SAMD5: variants seen among roughly 807,000 people sequenced by gnomAD.
The protein encoded by SAMD5 is sterile alpha motif domain-containing protein 5.
Under a neutral mutation model 11.3 loss-of-function variants are expected in SAMD5, and 13 were observed. The ratio of observed to expected loss-of-function variants is 1.15; its 90% CI spans 0.75 to 1.83. SAMD5 has a LOEUF of 1.83. Ranked by LOEUF, SAMD5 falls within the 40% of genes most tolerant of loss-of-function variation. SAMD5 has a pLI of 0.00. For missense variants in SAMD5, 255 were observed against 239.1 expected (o/e 1.07, Z -0.44); for synonymous variants, 129 against 111.3 (o/e 1.16, Z -1.00).
At chr6:147,605,545 A>G (rs1170858143) in intron 1 of SAMD5, among the ~76,000 whole-genome samples, 2 of 152,204 alleles carry the variant, frequency 1.3e-5, no homozygotes, top group African/African-American at 4.8e-5. Flanking sequence ...GAAAAGAAAT[A>G]CTTTTCCAGG....
At chr6:147,684,817 A>C (rs1490805467) in intron 1 of SAMD5, among the ~76,000 whole-genome samples, 5 of 152,192 alleles carry the variant, frequency 3.3e-5, no homozygotes, top group Non-Finnish European at 2.9e-5. Context: ...CACTGGAGAA[A>C]ATTACAATTG....
the SAMD5 span, among the ~76,000 whole-genome samples, chr6:147,753,557 C>T: frequency 2.0e-5 from 3 of 152,096 alleles, no homozygotes; most frequent in South Asian, 4.2e-4. Context: ...CTTTGAGTTA[C>T]AAACAATCCA....
intron 1 of SAMD5, among the ~76,000 whole-genome samples, chr6:147,605,895 G>A (rs9377061): frequency 0.39 from 58,868 of 151,652 alleles, 11,725 homozygotes; most frequent in Admixed American, 0.44. Context: ...TTCCCATGGG[G>A]TATGTTTGAG....
rs1791362087 is a variant in SAMD5 at position 147,709,044 on chromosome 6, TG to T, written c.163-28272del. 4.6e-5 allele frequency among the ~76,000 whole-genome samples: 7 copies of T among 152,360 alleles called. No homozygotes were observed. In the South Asian group the frequency reaches 1.2e-3, roughly 27 times the overall value. On this transcript the variant is annotated intron_variant, in intron 1 of 1. Coordinates refer to the SAMD5 transcript ENST00000566741. ...GAATAATCAGCGGTGGCTGTATTTA[TG>T]TGGATCTAGGGAACATTTTTTTAAA... is the stretch of plus-strand genomic sequence containing the variant.
At chr6:147,546,831 C>T (rs752087358) in intron 1 of SAMD5, among the ~76,000 whole-genome samples, 3 of 152,200 alleles carry the variant, frequency 2.0e-5, no homozygotes, top group Non-Finnish European at 2.9e-5. Context: ...ATCCCCATTC[C>T]CTTCTGCCCT....
chr6:147,858,600 A>G, the SAMD5 span, among the ~76,000 whole-genome samples: 1 of 152,190 alleles, frequency 6.6e-6, no homozygotes, highest in Non-Finnish European at 1.5e-5. Flanking sequence ...CTTATAATGT[A>G]CAGTTGATGA....
chr6:147,685,253 A>G (rs1167450711), intron 1 of SAMD5, among the ~76,000 whole-genome samples: 1 of 152,034 alleles, frequency 6.6e-6, no homozygotes, highest in Non-Finnish European at 1.5e-5. Flanking sequence ...CTGGAGTGCA[A>G]TGGTGCGATC....
intron 1 of SAMD5, among the ~76,000 whole-genome samples, chr6:147,692,146 A>G (rs1791113262): frequency 6.6e-6 from 1 of 152,146 alleles, no homozygotes; most frequent in Non-Finnish European, 1.5e-5. Context: ...AACTTTCCAT[A>G]CTATAGAGCC....
chr6:147,895,696 A>T, the SAMD5 span, among the ~76,000 whole-genome samples: 7 of 152,294 alleles, frequency 4.6e-5, no homozygotes, highest in Middle Eastern at 3.4e-3. Flanking sequence ...ATAAAAGCAC[A>T]TGGCACTTCA....
the SAMD5 span, among the ~76,000 whole-genome samples, chr6:147,807,494 A>G: frequency 6.6e-6 from 1 of 152,210 alleles, no homozygotes; most frequent in South Asian, 2.1e-4. Flanking sequence ...AAAATGAGAA[A>G]AACAAGACTC....
At chr6:147,606,963 C>A (rs1307876607) in intron 1 of SAMD5, among the ~76,000 whole-genome samples, 155 of 131,314 alleles carry the variant, frequency 1.2e-3, no homozygotes, top group Middle Eastern at 3.8e-3. Context: ...CAGCTTTATC[C>A]AAAAAAAAAA....
chr6:147,802,953 G>A, the SAMD5 span, among the ~76,000 whole-genome samples: 1 of 152,118 alleles, frequency 6.6e-6, no homozygotes, highest in African/African-American at 2.4e-5. Flanking sequence ...GTGTTGACTG[G>A]TTGTGTATCA....
chr6:147,918,562 G>C, the SAMD5 span, among the ~76,000 whole-genome samples: 26 of 152,058 alleles, frequency 1.7e-4, no homozygotes, highest in East Asian at 2.9e-3. Flanking sequence ...AATCGTCCCT[G>C]TTTGCAGATG....
At chr6:147,612,050 A>G (rs906718353) in intron 1 of SAMD5, among the ~76,000 whole-genome samples, 1 of 152,072 alleles carries the variant, frequency 6.6e-6, no homozygotes, top group African/African-American at 2.4e-5. Flanking sequence ...GACTATTACC[A>G]ATTGTTTATC....
At chr6:147,730,090 A>AAT (rs1457894319) in intron 1 of SAMD5, 1 of 437,374 alleles carries the variant, frequency 2.3e-6, no homozygotes, top group Non-Finnish European at 4.5e-6. Flanking sequence ...AAAAAAAAAA[A>AAT]AAGAAAAGAA....
chr6:147,746,631 C>CT, the SAMD5 span, among the ~76,000 whole-genome samples: 2 of 152,110 alleles, frequency 1.3e-5, no homozygotes, highest in African/African-American at 4.8e-5. Flanking sequence ...ACTGAAAAGG[C>CT]TTACAGATAT....
At chr6:147,938,303 AC>A in the SAMD5 span, among the ~76,000 whole-genome samples, 1 of 151,950 alleles carries the variant, frequency 6.6e-6, no homozygotes, top group African/African-American at 2.4e-5. Context: ...CTCATTACTG[AC>A]AACAGTACTA....
At chr6:147,526,456 C>T (rs1480428201) in intron 1 of SAMD5, among the ~76,000 whole-genome samples, 1 of 152,168 alleles carries the variant, frequency 6.6e-6, no homozygotes, top group Non-Finnish European at 1.5e-5. Flanking sequence ...TGTAAGTAAA[C>T]ATAACATTTC....
At chr6:147,766,869 C>T in the SAMD5 span, among the ~76,000 whole-genome samples, 14 of 151,994 alleles carry the variant, frequency 9.2e-5, no homozygotes, top group South Asian at 2.1e-4. Context: ...TTATTATATA[C>T]GAGATTTGCA....
Sources: allele counts gnomAD v4.1 joint callset (sites outside exome capture counted in the v4.1 genomes callset), GRCh38; gene constraint gnomAD v4.1.1; transcripts MANE v1.5; gene names NCBI Gene and HGNC (gene_info 2026-07-23, HGNC 2026-07-21).